Variants in ARIH1 observed in about 807,000 individuals in gnomAD.
The protein encoded by ARIH1 is E3 ubiquitin-protein ligase ARIH1.
A neutral mutation model predicts 85.0 loss-of-function variants in ARIH1; 8 were observed. The ratio of observed to expected loss-of-function variants is 0.09; its 90% CI spans 0.06 to 0.17. ARIH1 has a LOEUF of 0.17. ARIH1 is among the 10% of genes least tolerant of loss of function. The pLI, the probability that ARIH1 is intolerant of heterozygous loss-of-function variation, is 1.00. For missense variants in ARIH1, 311 were observed against 718.1 expected, an observed-to-expected ratio of 0.43 and a Z score of 6.48; for synonymous variants, 238 against 253.6, an observed-to-expected ratio of 0.94 and a Z score of 0.59.
At chr15:72,509,436 T>C (rs1201035780) in intron 1 of ARIH1, among the ~76,000 whole-genome samples, 1 of 152,212 alleles carries the variant, frequency 6.6e-6, no homozygotes, top group Non-Finnish European at 1.5e-5. Flanking sequence ...TAGAGTTGTG[T>C]AAACCACCAC....
intron 2 of ARIH1, among the ~76,000 whole-genome samples, chr15:72,532,569 T>A (rs1337120946): frequency 6.6e-6 from 1 of 152,136 alleles, no homozygotes; most frequent in South Asian, 2.1e-4. Context: ...CATAAAGATA[T>A]CATAACCTTT....
Position 72,540,129 on chromosome 15 carries a change from G to T in ARIH1, c.444-4691G>T, listed in dbSNP as rs1263683448. Reference sequence around the variant, plus strand: ...AAAAATTAGCTGGGCGTGGTGGCAGGCGCCTGTAGTCCCAGGTACTTGGGA... The same window carrying T: ...AAAAATTAGCTGGGCGTGGTGGCAGTCGCCTGTAGTCCCAGGTACTTGGGA... On this transcript the variant is annotated intron_variant, in intron 2 of 13. Transcript: ENST00000379887. 5.3e-5 allele frequency among the ~76,000 whole-genome samples: 8 copies of T among 151,870 alleles called. No homozygotes were observed. In the South Asian group the frequency reaches 1.5e-3, roughly 28 times the overall value.
chr15:72,502,658 T>C (rs935771156), intron 1 of ARIH1, among the ~76,000 whole-genome samples: 3 of 151,990 alleles, frequency 2.0e-5, no homozygotes, highest in Non-Finnish European at 2.9e-5. Flanking sequence ...ATAAAAAAAT[T>C]AGCCTGGCAT....
At chr15:72,489,765 T>G (rs776713333) in intron 1 of ARIH1, among the ~76,000 whole-genome samples, 8 of 152,222 alleles carry the variant, frequency 5.3e-5, no homozygotes, top group Non-Finnish European at 1.5e-5. Flanking sequence ...ACCTCAAATT[T>G]CCACACACTA....
rs532535411 is a variant in ARIH1, at chr15:72,548,393, A to G, written c.588+3429A>G. Among the ~76,000 whole-genome samples the G allele has an allele frequency of 6.0e-4, 92 of 152,346 alleles. 1 individual carries two copies. The highest frequency in any genetic ancestry group is 2.1e-3 in the African/African-American group (87 of 41,580). ...ATTTAAAAAGTTAATTTGAAATGAA[A>G]TGAAGGAGTGAGGTAGGATGGGAAA... On this transcript the variant is annotated intron_variant, in intron 3 of 13. Coordinates refer to ENST00000379887, the MANE Select transcript of ARIH1 (RefSeq NM_005744.5).
At position 72,600,863 on chromosome 15, in the gene ARIH1, A is replaced by G. The variant is rs1388813932; in HGVS notation, c.*17571A>G. ...AGGAGAGATTTTGAAACATTATAGC[A>G]ATGGCTTCTAGTTATTGAATAAAGA... is the stretch of plus-strand genomic sequence containing the variant. On this transcript the variant is annotated 3_prime_UTR_variant, in exon 14 of 14. Transcript: ENST00000379887. 2 of 152,184 alleles carry G rather than the reference A, an allele frequency of 1.3e-5. No individual in the cohort carries two copies. The highest frequency in any genetic ancestry group is 3.8e-4 in the East Asian group (2 of 5,202). The allele number at this position is 152,184 out of a possible 1,614,324, so 9.4% of individuals were successfully genotyped here.
intron 1 of ARIH1, among the ~76,000 whole-genome samples, chr15:72,480,186 G>A (rs961698689): frequency 2.6e-5 from 4 of 151,732 alleles, no homozygotes; most frequent in Admixed American, 1.3e-4. Context: ...TACTATTCTA[G>A]CATATTGTTT....
intron 1 of ARIH1, among the ~76,000 whole-genome samples, chr15:72,495,587 C>T (rs1471488085): frequency 6.6e-6 from 1 of 152,138 alleles, no homozygotes; most frequent in African/African-American, 2.4e-5. Flanking sequence ...CTCCTATAAA[C>T]AAAAGTTTCC....
rs749163596 is a variant in ARIH1 at position 72,580,964 on chromosome 15, A to G, written c.1449A>G (p.Lys483=). Residue 483 remains lysine, a synonymous_variant, in exon 12 of 14, where the codon AAA becomes AAG. Coordinates refer to ENST00000379887, the MANE Select transcript of ARIH1 (RefSeq NM_005744.5). ...CTTATGTCTTCGCTTTCTACCTCAA[A>G]AAGAATAACCAGTCCATTATCTTTG... ...MYTYVFAFYL[K]KNNQSIIFEN... 1 of 1,614,024 alleles carries G rather than the reference A, an allele frequency of 6.2e-7. No homozygotes were observed.
intron 1 of ARIH1, among the ~76,000 whole-genome samples, chr15:72,490,473 A>G (rs981308310): frequency 1.4e-4 from 22 of 152,080 alleles, no homozygotes; most frequent in Non-Finnish European, 2.8e-4. Flanking sequence ...CAAGGGATCT[A>G]GGTTGGCACT....
At chr15:72,506,359 A>AAAAAAAAAAAAG (rs1416617611) in intron 1 of ARIH1, among the ~76,000 whole-genome samples, 5 of 148,594 alleles carry the variant, frequency 3.4e-5, no homozygotes, top group Admixed American at 6.7e-5. Flanking sequence ...CACAAAAAAA[A>AAAAAAAAAAAAG]AAAAAAGAAA....
chr15:72,589,308 A>G lies in ARIH1; in HGVS notation c.*6016A>G, dbSNP rs986093238. 6.6e-6 allele frequency: 1 copy of G among 152,212 alleles called. No individual in the cohort carries two copies. Among genetic ancestry groups the G allele is most frequent in the African/African-American group, 2.4e-5 (1 of 41,456 alleles). 9.4% of individuals were successfully genotyped at this position (152,212 alleles called of 1,614,324 possible). On this transcript the variant is annotated 3_prime_UTR_variant, in exon 14 of 14. Coordinates refer to ENST00000379887, the MANE Select transcript of ARIH1 (RefSeq NM_005744.5). ...ATGCTGCTGTTGTCTGTTACATAGG[A>G]ATATTGTGAGGATCAAAGAACATGT... is the stretch of plus-strand genomic sequence containing the variant.
chr15:72,591,427 A>G lies in ARIH1; in HGVS notation c.*8135A>G, dbSNP rs2064343282. The G allele has an allele frequency of 1.3e-5, 2 of 152,150 alleles. No homozygotes were observed. The highest frequency in any genetic ancestry group is 4.8e-5 in the African/African-American group (2 of 41,426). The allele number at this position is 152,150 out of a possible 1,614,324, so 9.4% of individuals were successfully genotyped here. ...TGCACATTAAATGGCTGTTCTTAGAATTATGAATCTGAGGCTTATGCAGTG... is the reference window on the plus strand; with the variant it reads ...TGCACATTAAATGGCTGTTCTTAGAGTTATGAATCTGAGGCTTATGCAGTG... On this transcript the variant is annotated 3_prime_UTR_variant, in exon 14 of 14. Transcript: ENST00000379887.
chr15:72,569,447 A>G (rs1247830304), intron 9 of ARIH1, among the ~76,000 whole-genome samples: 1 of 152,210 alleles, frequency 6.6e-6, no homozygotes, highest in African/African-American at 2.4e-5. Flanking sequence ...GTAGCCACAA[A>G]ATGAATTTAC....
chr15:72,561,323 T>C (rs896673020), intron 5 of ARIH1, 160 bp from the exon 6 acceptor site: 1 of 612,278 alleles, frequency 1.6e-6, no homozygotes, highest in African/African-American at 1.9e-5. Context: ...TTCTGATCAG[T>C]ACAGTTATAT....
At position 72,585,538 on chromosome 15, in the gene ARIH1, AT is replaced by A. The variant is rs2064312528; in HGVS notation, c.*2247del. The A allele has an allele frequency of 2.0e-5, 3 of 152,046 alleles. No homozygotes were observed. The highest frequency in any genetic ancestry group is 7.3e-5 in the African/African-American group (3 of 41,370). 9.4% of individuals were successfully genotyped at this position (152,046 alleles called of 1,614,324 possible). A position where few individuals can be genotyped will look rare whatever the true frequency, so the allele number is the denominator to read the frequency against. On this transcript the variant is annotated 3_prime_UTR_variant, in exon 14 of 14. Transcript: ENST00000379887. ...TATGTGTGGTGTTTAAAAAAAAAAA[AT>A]CTTACCAGTTAACTTTGCAGTGTCT...
chr15:72,484,165 C>A (rs2063827497), intron 1 of ARIH1, among the ~76,000 whole-genome samples: 1 of 76,408 alleles, frequency 1.3e-5, no homozygotes, highest in African/African-American at 3.8e-5. Context: ...AAGAGTGAAA[C>A]TCCATCAAAA....
At position 72,493,442 on chromosome 15, in the gene ARIH1, G is replaced by C. The variant is rs568904142; in HGVS notation, c.375+18428G>C. ...CACTACAGCAGCACATGTGCACCCT[G>C]CTCAATTAAATAAATATCAGGCAGA... On this transcript the variant is annotated intron_variant, in intron 1 of 13. Transcript: ENST00000379887. Among the ~76,000 whole-genome samples, 72 of 152,260 alleles carry C rather than the reference G, an allele frequency of 4.7e-4. 1 individual carries two copies. The highest frequency in any genetic ancestry group is 1.5e-3 in the African/African-American group (64 of 41,546).
intron 2 of ARIH1, among the ~76,000 whole-genome samples, chr15:72,518,860 A>G (rs563803785): frequency 3.3e-5 from 5 of 152,122 alleles, no homozygotes; most frequent in Non-Finnish European, 2.9e-5. Flanking sequence ...CAGTAGAAAC[A>G]AAATTGAGAA....
Sources: allele counts gnomAD v4.1 joint callset (sites outside exome capture counted in the v4.1 genomes callset), GRCh38; gene constraint gnomAD v4.1.1; transcripts MANE v1.5; gene names NCBI Gene and HGNC (gene_info 2026-07-23, HGNC 2026-07-21).